FBXW11: variants seen among roughly 807,000 people sequenced by gnomAD.
FBXW11 encodes the protein F-box and WD repeat domain containing 11.
FBXW11 carries 19 observed loss-of-function variants against 77.6 expected under a neutral mutation model. The ratio of observed to expected loss-of-function variants is 0.24; its 90% CI spans 0.17 to 0.36. FBXW11 has a LOEUF of 0.36. Ranked by LOEUF, FBXW11 falls within the 10% of genes least tolerant of loss-of-function variation. The probability of loss-of-function intolerance (pLI) is 1.00; values close to 1 mark genes in which losing one functional copy is unlikely to be tolerated. For synonymous variants in FBXW11, 235 were observed against 249.4 expected (o/e 0.94, Z 0.54); for missense variants, 334 against 704.2 (o/e 0.47, Z 5.95).
chr5:171,904,822 G>A lies in FBXW11; in HGVS notation c.437-4722C>T, dbSNP rs185847162. Among the ~76,000 whole-genome samples the A allele has an allele frequency of 2.6e-5, 4 of 151,978 alleles. No individual in the cohort carries two copies. Among genetic ancestry groups the A allele is most frequent in the South Asian group, 2.1e-4 (1 of 4,796 alleles). ...CTTGACCTCATGATCCACCCAACTC[G>A]GCCTCCCAAAGTGCTGGGATTACAG... On this transcript the variant is annotated intron_variant, in intron 4 of 13. Transcript: ENST00000517395. The surrounding 1 kb of genome is among the most constrained non-coding windows in gnomAD (Gnocchi z 4.0).
chr5:171,961,147 G>A (rs542116227), intron 1 of FBXW11, among the ~76,000 whole-genome samples: 13 of 152,192 alleles, frequency 8.5e-5, no homozygotes, highest in Admixed American at 5.9e-4. Flanking sequence ...ATCCAAAATC[G>A]CATAGTGCTG....
rs1011420349 is a variant in FBXW11, at chr5:171,873,684, T to C, written c.1222-694A>G. On this transcript the variant is annotated intron_variant, in intron 9 of 13. Transcript: ENST00000517395. ...TCTCACCTTTCATATCATCCTCTTT[T>C]CCAGCATATTTTCTGGAACAGCTCC... is the stretch of plus-strand genomic sequence containing the variant. 2.6e-5 allele frequency among the ~76,000 whole-genome samples: 4 copies of C among 152,340 alleles called. No homozygotes were observed. The Middle Eastern group carries it at 0.01, about 389-fold the overall frequency.
chr5:171,985,185 T>C (rs79430529), intron 1 of FBXW11, among the ~76,000 whole-genome samples: 4,353 of 152,300 alleles, frequency 0.029, 104 homozygotes, highest in South Asian at 0.08. Context: ...TCAGTCCCCC[T>C]GCTCCAATTT....
At chr5:171,924,500 C>A (rs1040689282) in intron 2 of FBXW11, among the ~76,000 whole-genome samples, 2 of 152,150 alleles carry the variant, frequency 1.3e-5, no homozygotes, top group African/African-American at 4.8e-5. Context: ...ACTGTTTTGT[C>A]GCTCAATAAA....
intron 1 of FBXW11, among the ~76,000 whole-genome samples, chr5:171,977,027 C>T (rs149680870): frequency 8.8e-4 from 132 of 150,456 alleles, no homozygotes; most frequent in African/African-American, 3.0e-3. Flanking sequence ...AAGAGTAAAA[C>T]TCCAACTCAA....
chr5:171,931,535 C>T (rs1762188292), intron 2 of FBXW11, among the ~76,000 whole-genome samples: 1 of 152,120 alleles, frequency 6.6e-6, no homozygotes. Flanking sequence ...ATACAGATTA[C>T]AAGCCTAAAT....
chr5:171,919,287 A>G (rs1311021715), intron 2 of FBXW11, among the ~76,000 whole-genome samples: 3 of 152,200 alleles, frequency 2.0e-5, no homozygotes, highest in African/African-American at 7.2e-5. Flanking sequence ...CAAGTTCTCC[A>G]AGTAATTCTG....
chr5:171,953,480 TAGAC>T (rs1581248574), intron 2 of FBXW11, among the ~76,000 whole-genome samples: 1 of 152,256 alleles, frequency 6.6e-6, no homozygotes, highest in South Asian at 2.1e-4. Context: ...TGTCTGACCT[TAGAC>T]AGACCGACCC....
At chr5:172,006,410 C>CG in intron 1 of FBXW11, 48 bp downstream of exon 1, 2 of 1,502,530 alleles carry the variant, frequency 1.3e-6, no homozygotes, top group Non-Finnish European at 9.0e-7. Context: ...CAGGCCCGCC[C>CG]GGGGCCGGAC....
intron 1 of FBXW11, among the ~76,000 whole-genome samples, chr5:171,967,107 T>C (rs1335521967): frequency 6.6e-6 from 1 of 152,250 alleles, no homozygotes; most frequent in African/African-American, 2.4e-5. Context: ...TTTCAAATTT[T>C]ATCTACCTGT....
intron 1 of FBXW11, among the ~76,000 whole-genome samples, chr5:171,961,325 T>C (rs1763896381): frequency 6.6e-6 from 1 of 152,218 alleles, no homozygotes; most frequent in African/African-American, 2.4e-5. Flanking sequence ...AGTGTTGTTT[T>C]CCATTTGGTA....
chr5:171,973,320 A>C (rs1764637744), intron 1 of FBXW11, among the ~76,000 whole-genome samples: 1 of 152,234 alleles, frequency 6.6e-6, no homozygotes, highest in African/African-American at 2.4e-5. Context: ...CAAGGAAAAA[A>C]AGATGGGAGA....
intron 2 of FBXW11, among the ~76,000 whole-genome samples, chr5:171,946,572 G>T (rs1383315056): frequency 6.6e-6 from 1 of 151,860 alleles, no homozygotes; most frequent in Non-Finnish European, 1.5e-5. Flanking sequence ...ATTTTAACAT[G>T]CCACAAACAT....
chr5:172,004,389 A>C (rs1304241574), intron 1 of FBXW11, among the ~76,000 whole-genome samples: 2 of 152,252 alleles, frequency 1.3e-5, no homozygotes, highest in Non-Finnish European at 2.9e-5. Context: ...ATCCCAGTTT[A>C]TAATGTCCTT....
intron 9 of FBXW11, among the ~76,000 whole-genome samples, chr5:171,873,266 C>A (rs966174534): frequency 2.6e-5 from 4 of 152,298 alleles, no homozygotes; most frequent in African/African-American, 9.6e-5. Context: ...ATGGTTCAAA[C>A]GCTCATTTAC....
At position 171,872,981 on chromosome 5, in the gene FBXW11, T is replaced by C; in HGVS notation, c.1231A>G (p.Thr411Ala). The C allele has an allele frequency of 6.2e-7, 1 of 1,613,430 alleles. No individual in the cohort carries two copies. The stretch of plus-strand genomic sequence containing the variant: ...GTACGAACAAATTCACAGGTGCTCG[T>C]GCTCCAGACCTGTATAACAAATTAA... ...SGDRTIKVWS[T>A]STCEFVRTLN... Residue 411 changes from threonine (T) to alanine (A), a missense_variant, in exon 10 of 14, where the codon ACG becomes GCG. By Grantham distance (58) the Thr-to-Ala change is moderately conservative. Transcript: ENST00000517395.
At chr5:171,901,985 C>A (rs1346410500) in intron 4 of FBXW11, among the ~76,000 whole-genome samples, 1 of 152,154 alleles carries the variant, frequency 6.6e-6, no homozygotes, top group Non-Finnish European at 1.5e-5. Context: ...AAGGACAGCA[C>A]CCATGACACT....
chr5:171,893,421 CAAAAAAAAAAAA>C lies in FBXW11; in HGVS notation c.715-1829_715-1818del, dbSNP rs397999920. On this transcript the variant is annotated intron_variant, in intron 6 of 13. Coordinates refer to ENST00000517395, the MANE Select transcript of FBXW11 (RefSeq NM_001378974.1). ...GACATACAAAAGCACACTTCAAAAC[CAAAAAAAAAAAA>C]AAAAAAAAAAAAAACTAACCCAACC... Among the ~76,000 whole-genome samples the C allele has an allele frequency of 7.3e-4, 29 of 39,844 alleles. 1 individual carries two copies. The South Asian group carries it at 0.011, about 15-fold the overall frequency. 26.1% of individuals were successfully genotyped at this position (39,844 alleles called of 152,430 possible).
intron 1 of FBXW11, among the ~76,000 whole-genome samples, chr5:171,973,009 A>C (rs770087580): frequency 1.2e-4 from 19 of 152,356 alleles, no homozygotes; most frequent in Middle Eastern, 3.4e-3. Context: ...ATATGCACAG[A>C]AGTACTGTGC....
Sources: allele counts gnomAD v4.1 joint callset (sites outside exome capture counted in the v4.1 genomes callset), GRCh38; gene constraint gnomAD v4.1.1; non-coding constraint Gnocchi (gnomAD v3.1); transcripts MANE v1.5; gene names NCBI Gene and HGNC (gene_info 2026-07-23, HGNC 2026-07-21).